The following STARD9 variants were observed in gnomAD, a reference collection of about 807,000 sequenced individuals.
STARD9 encodes stAR-related lipid transfer protein 9.
In STARD9, 346 loss-of-function variants were observed where a neutral mutation model predicts 399.8. The ratio of observed to expected loss-of-function variants is 0.87; its 90% confidence interval spans 0.79 to 0.95. The LOEUF (loss-of-function observed/expected upper bound fraction) is 0.95. Among genes scored for constraint, STARD9 ranks in the 40% least tolerant of loss-of-function variants. STARD9 has a pLI of 0.00. For synonymous variants in STARD9, 2,203 were observed against 2,143.5 expected, an observed-to-expected ratio of 1.03 and a Z score of -0.77; for missense variants, 5,832 against 5,667.5, an observed-to-expected ratio of 1.03 and a Z score of -0.93.
intron 7 of STARD9, among the ~76,000 whole-genome samples, chr15:42,641,164 A>G (rs942038448): frequency 6.6e-6 from 1 of 152,194 alleles, no homozygotes; most frequent in Non-Finnish European, 1.5e-5. Context: ...TGACAGGATC[A>G]GGATTCAAAT....
At chr15:42,718,309 T>G in intron 30 of STARD9, 126 bp from the exon 31 acceptor site, 1 of 1,216,480 alleles carries the variant, frequency 8.2e-7, no homozygotes, top group Non-Finnish European at 1.2e-6. Flanking sequence ...TTACCTTGAT[T>G]GCTCAGCCTA....
chr15:42,718,226 G>C, intron 30 of STARD9, 47 bp downstream of exon 30: 4 of 1,500,024 alleles, frequency 2.7e-6, no homozygotes, highest in Non-Finnish European at 3.6e-6. Context: ...TTTCTGGTGT[G>C]CCCAGTGGGG....
chr15:42,665,448 G>A, intron 14 of STARD9, 118 bp downstream of exon 14: 1 of 792,896 alleles, frequency 1.3e-6, no homozygotes, highest in Non-Finnish European at 2.0e-6. Flanking sequence ...CTCTCTTACG[G>A]CAGAGACAGG....
intron 1 of STARD9, chr15:42,581,257 ATAT>A: frequency 1.2e-6 from 1 of 861,406 alleles, no homozygotes. Context: ...GACTCCCGGG[ATAT>A]TGGGCAGATG....
rs1475820530 is a variant in STARD9 at position 42,687,898 on chromosome 15, C to T, written c.6320C>T (p.Pro2107Leu). 4 of 1,537,246 alleles carry T rather than the reference C, an allele frequency of 2.6e-6. No individual in the cohort carries two copies. Among genetic ancestry groups the T allele is most frequent in the Non-Finnish European group, 2.6e-6 (3 of 1,146,942 alleles). ...TTTAGGCCAGACAGCTCTGGAAACC[C>T]TTTGCCCTCTAAGGATCAGCCATCT... Reference protein sequence around the residue: ...HAFRPDSSGNPLPSKDQPSSP... With the variant: ...HAFRPDSSGNLLPSKDQPSSP... The change falls in exon 23 of 33, where the codon CCT (proline) becomes CTT (leucine). Residue 2107 changes from proline to leucine, a missense_variant. By Grantham distance (98) the Pro-to-Leu change is moderately conservative. Around this residue, in one of 2 missense-constraint regions of STARD9, gnomAD observed 5,828 missense variants for 5,651.1 expected, o/e 1.03. Transcript: ENST00000290607.
rs1419725995 is a variant in STARD9, at chr15:42,695,122, C to G, written c.12963-18C>G. ...TCACCCACCCACCATGTTCTTTCCA[C>G]CCCGTGATCTTCCTCAGGAGCCCAG... On this transcript the variant is annotated intron_variant, in intron 24 of 32. Transcript: ENST00000290607. The G allele has an allele frequency of 1.3e-6, 2 of 1,513,012 alleles. No homozygotes were observed. Among genetic ancestry groups the G allele is most frequent in the Admixed American group, 4.0e-5 (2 of 49,836 alleles). 93.7% of individuals were successfully genotyped at this position (1,513,012 alleles called of 1,614,324 possible). A position where few individuals can be genotyped will look rare whatever the true frequency, so the allele number is the denominator to read the frequency against.
intron 7 of STARD9, among the ~76,000 whole-genome samples, chr15:42,649,377 T>C (rs1376571804): frequency 6.6e-6 from 1 of 152,208 alleles, no homozygotes; most frequent in Non-Finnish European, 1.5e-5. Context: ...TTTGAGTATG[T>C]TTCTGATCTA....
intron 3 of STARD9, among the ~76,000 whole-genome samples, chr15:42,624,293 ATTAAG>A (rs1053829810): frequency 3.3e-5 from 5 of 152,150 alleles, no homozygotes; most frequent in Non-Finnish European, 7.4e-5. Flanking sequence ...AATGAAAAAT[ATTAAG>A]TTGTCTAAGC....
rs1487661496 is a variant in STARD9 at position 42,692,281 on chromosome 15, A to G, written c.10703A>G (p.Asp3568Gly). 2.1e-5 allele frequency: 32 copies of G among 1,536,224 alleles called. No homozygotes were observed. In the Admixed American group the frequency reaches 6.1e-4, roughly 29 times the overall value. The change falls in exon 23 of 33, where the codon GAC becomes GGC. Residue 3568 changes from aspartate (D) to glycine (G), a missense_variant. Around this residue, in one of 2 missense-constraint regions of STARD9, gnomAD observed 5,828 missense variants for 5,651.1 expected, o/e 1.03. Coordinates refer to ENST00000290607, the MANE Select transcript of STARD9 (RefSeq NM_020759.3). ...FRGSSSIALG[D>G]PHIPTSPEGV... is the part of the protein sequence containing the mutation. ...GGGAGTTCTTCAATTGCCTTAGGAG[A>G]CCCCCACATCCCGACGAGCCCTGAA...
At chr15:42,638,276 ACCCATAG>A in intron 6 of STARD9, 189 bp downstream of exon 6, 1 of 618,882 alleles carries the variant, frequency 1.6e-6, no homozygotes, top group Admixed American at 2.9e-5. Context: ...TTAATTTCCT[ACCCATAG>A]ACTTAACAAG....
At chr15:42,676,049 GT>G in intron 20 of STARD9, 74 bp downstream of exon 20, 2 of 970,452 alleles carry the variant, frequency 2.1e-6, no homozygotes, top group Admixed American at 2.2e-5. Flanking sequence ...ATGGATCAGG[GT>G]GGGGGTGGGG....
chr15:42,687,819 G>A lies in STARD9; in HGVS notation c.6241G>A (p.Asp2081Asn), dbSNP rs779110704. 1.9e-5 allele frequency: 29 copies of A among 1,537,370 alleles called. No individual in the cohort carries two copies. The highest frequency in any genetic ancestry group is 1.7e-4 in the Middle Eastern group (1 of 6,016). ...TCATGCTTCCCACACACCAGGAACC[G>A]ATAAGGAGTTGGTGTTCCAGGACCA... ...QVHASHTPGTDKELVFQDQKE... is the reference protein window; with the variant it reads ...QVHASHTPGTNKELVFQDQKE... Residue 2081 changes from aspartate (D) to asparagine (N), a missense_variant, in exon 23 of 33, where the codon GAT becomes AAT. Physicochemically the swap from Asp to Asn is conservative, Grantham distance 23. Around this residue, in one of 2 missense-constraint regions of STARD9, gnomAD observed 5,828 missense variants for 5,651.1 expected, o/e 1.03. Coordinates refer to ENST00000290607, the MANE Select transcript of STARD9 (RefSeq NM_020759.3).
chr15:42,698,579 A>AT (rs1379663830), intron 26 of STARD9, among the ~76,000 whole-genome samples: 1 of 151,958 alleles, frequency 6.6e-6, no homozygotes, highest in Non-Finnish European at 1.5e-5. Context: ...AACTAGAAAT[A>AT]TTTTTTTCCC....
intron 3 of STARD9, among the ~76,000 whole-genome samples, chr15:42,618,368 A>G (rs1427393132): frequency 6.6e-6 from 1 of 152,008 alleles, no homozygotes; most frequent in Admixed American, 6.6e-5. Flanking sequence ...CCTGTGCTCA[A>G]GTGATCCTCC....
At chr15:42,706,014 A>G (rs2061070786) in intron 26 of STARD9, among the ~76,000 whole-genome samples, 1 of 152,068 alleles carries the variant, frequency 6.6e-6, no homozygotes, top group Non-Finnish European at 1.5e-5. Context: ...CAGCCTCCCA[A>G]AGTGCTGGGA....
At chr15:42,650,969 C>T (rs960421844) in intron 7 of STARD9, 47 bp from the exon 8 acceptor site, 4 of 1,339,444 alleles carry the variant, frequency 3.0e-6, no homozygotes, top group Middle Eastern at 1.9e-4. Context: ...TTAAAGTTTA[C>T]CAAAAATCTC....
chr15:42,710,596 T>C (rs2061194441), intron 26 of STARD9, among the ~76,000 whole-genome samples: 1 of 152,240 alleles, frequency 6.6e-6, no homozygotes, highest in South Asian at 2.1e-4. Flanking sequence ...TCCTTTTTGA[T>C]GGCTTCTTTC....
intron 10 of STARD9, among the ~76,000 whole-genome samples, chr15:42,662,294 T>C (rs1303733047): frequency 2.0e-5 from 3 of 152,218 alleles, no homozygotes; most frequent in East Asian, 3.8e-4. Flanking sequence ...AATTTTCTTA[T>C]TTTAAAACAT....
intron 3 of STARD9, among the ~76,000 whole-genome samples, chr15:42,603,415 A>G (rs922720134): frequency 3.3e-5 from 5 of 152,140 alleles, no homozygotes; most frequent in Admixed American, 3.3e-4. Flanking sequence ...ATGCCAGCCA[A>G]AAATAGACAT....
Sources: allele counts gnomAD v4.1 joint callset (sites outside exome capture counted in the v4.1 genomes callset), GRCh38; gene constraint gnomAD v4.1.1; regional missense constraint gnomAD v4.1.1; transcripts MANE v1.5; gene names NCBI Gene and HGNC (gene_info 2026-07-23, HGNC 2026-07-21).